The following WDR86 variants were observed in gnomAD, a reference collection of about 807,000 sequenced individuals.
The protein encoded by WDR86 is WD repeat domain 86.
Under a neutral mutation model 36.5 loss-of-function variants are expected in WDR86, and 30 were observed. That is an observed-to-expected ratio of 0.82 (90% CI 0.61 to 1.11). WDR86 has a LOEUF of 1.11. Among genes scored for constraint, WDR86 ranks in the 50% most tolerant of loss-of-function variants. The probability of loss-of-function intolerance (pLI) is 0.00; values close to 1 mark genes in which losing one functional copy is unlikely to be tolerated. For missense variants in WDR86, 545 were observed against 561.2 expected (o/e 0.97, Z 0.29); for synonymous variants, 255 against 252.9 (o/e 1.01, Z -0.08).
intron 3 of WDR86, among the ~76,000 whole-genome samples, chr7:151,395,504 C>CGG (rs1480747736): frequency 4.5e-3 from 220 of 48,426 alleles, no homozygotes; most frequent in African/African-American, 9.1e-3. Flanking sequence ...GACACACACA[C>CGG]ACACACACAC....
intron 4 of WDR86, among the ~76,000 whole-genome samples, chr7:151,382,272 T>TG (rs1215778539): frequency 1.3e-5 from 2 of 152,176 alleles, no homozygotes; most frequent in Non-Finnish European, 2.9e-5. Flanking sequence ...CGTGCCTGCT[T>TG]GGGAAGCCCC....
intron 3 of WDR86, among the ~76,000 whole-genome samples, chr7:151,387,976 C>A (rs1799111827): frequency 6.6e-6 from 1 of 152,274 alleles, no homozygotes; most frequent in Non-Finnish European, 1.5e-5. Context: ...GCCACAAGGG[C>A]TGATGCACTG....
Position 151,400,152 on chromosome 7 carries a change from G to C in WDR86, c.253C>G (p.Leu85Val). The C allele has an allele frequency of 6.2e-7, 1 of 1,612,378 alleles. No homozygotes were observed. Among genetic ancestry groups the C allele is most frequent in the East Asian group, 2.2e-5 (1 of 44,802 alleles). The part of the protein sequence containing the change: ...ADCTIRRWDV[L>V]TGQCLQVYRG... ...TACACCTGCAGACACTGCCCGGTCA[G>C]CACGTCCCACCTCCTGATGGTGCAG... Residue 85 changes from leucine to valine, a missense_variant, in exon 2 of 6, where the codon CTG becomes GTG. Leu to Val is a conservative substitution (Grantham distance 32). Coordinates refer to ENST00000334493, the MANE Select transcript of WDR86 (RefSeq NM_198285.3).
chr7:151,410,107 C>A, upstream of WDR86: 2 of 981,816 alleles, frequency 2.0e-6, no homozygotes, highest in Non-Finnish European at 2.4e-6. Flanking sequence ...TGCGCCCCAG[C>A]CCCCACCCCG....
intron 3 of WDR86, 47 bp from the exon 4 acceptor site, chr7:151,385,270 C>G: frequency 1.9e-6 from 3 of 1,602,304 alleles, no homozygotes; most frequent in African/African-American, 1.3e-5. Context: ...AGCTCTGAAG[C>G]CCCCCAGACC....
Position 151,395,962 on chromosome 7 carries a change from C to T in WDR86, c.540G>A (p.Val180=), listed in dbSNP as rs762218505. The T allele has an allele frequency of 8.2e-6, 13 of 1,590,032 alleles. No individual in the cohort carries two copies. The African/African-American group carries it at 1.5e-4, about 18-fold the overall frequency. The part of the protein sequence containing the change: ...STDGTAKVWQ[V]ASGCCHQTLR... The stretch of plus-strand genomic sequence containing the variant: ...GCGTCTGGTGGCAGCAGCCGCTGGC[C>T]ACCTGCCACACCTTGGCTGTGCCAT... Residue 180 remains valine (V), a synonymous_variant, in exon 3 of 6, where the codon GTG becomes GTA. Transcript: ENST00000334493.
chr7:151,384,377 G>A (rs1336310548), intron 4 of WDR86, among the ~76,000 whole-genome samples: 1 of 152,244 alleles, frequency 6.6e-6, no homozygotes, highest in Non-Finnish European at 1.5e-5. Context: ...AGAGAGGTAT[G>A]TAGAAGCCCT....
intron 2 of WDR86, among the ~76,000 whole-genome samples, chr7:151,397,281 C>A (rs1471527042): frequency 6.6e-6 from 1 of 152,224 alleles, no homozygotes; most frequent in Non-Finnish European, 1.5e-5. Flanking sequence ...AAGCCTGCTG[C>A]CTCCCGCCTC....
chr7:151,398,401 G>A (rs1401629568), intron 2 of WDR86, among the ~76,000 whole-genome samples: 1 of 138,320 alleles, frequency 7.2e-6, no homozygotes, highest in Non-Finnish European at 1.6e-5. Context: ...GTGTATGGGT[G>A]TATATGTATG....
chr7:151,370,303 G>C, the WDR86 span, among the ~76,000 whole-genome samples: 1 of 152,036 alleles, frequency 6.6e-6, no homozygotes, highest in Non-Finnish European at 1.5e-5. Flanking sequence ...TGGCCAGGCT[G>C]GTCTCGAACT....
At chr7:151,381,086 G>A (rs1798527010), downstream of WDR86, 1 of 1,151,730 alleles carries the variant, frequency 8.7e-7, no homozygotes, top group East Asian at 3.4e-5. This position sits in a 1 kb window ranked among gnomAD's most constrained non-coding sequence, Gnocchi z 4.8. Flanking sequence ...AAGAAGCTGA[G>A]ACTCAGTTTG....
downstream of WDR86, chr7:151,376,319 T>C: frequency 2.1e-6 from 1 of 483,352 alleles, no homozygotes; most frequent in Non-Finnish European, 3.7e-6. Context: ...CCTACACGCG[T>C]TAGCACGCCT....
chr7:151,403,944 C>G (rs1345412687), intron 1 of WDR86, among the ~76,000 whole-genome samples: 1 of 152,154 alleles, frequency 6.6e-6, no homozygotes, highest in Non-Finnish European at 1.5e-5. Flanking sequence ...CGATACCAAG[C>G]CCAGCTGCTC....
At chr7:151,373,536 G>A (rs1798054875), downstream of WDR86, among the ~76,000 whole-genome samples, 1 of 152,192 alleles carries the variant, frequency 6.6e-6, no homozygotes, top group Non-Finnish European at 1.5e-5. Flanking sequence ...GGCACTCTGT[G>A]GGTTCCGAAT....
At chr7:151,407,135 C>G (rs781151952) in intron 1 of WDR86, among the ~76,000 whole-genome samples, 1 of 152,174 alleles carries the variant, frequency 6.6e-6, no homozygotes, top group Admixed American at 6.5e-5. Context: ...AAAAACAATC[C>G]TAGCAAAATG....
downstream of WDR86, among the ~76,000 whole-genome samples, chr7:151,379,856 C>T (rs552622004): frequency 6.6e-6 from 1 of 152,288 alleles, no homozygotes; most frequent in African/African-American, 2.4e-5. Flanking sequence ...GCAGCAGTGT[C>T]TTCGGCAAGC....
In WDR86 at chr7:151,390,691, A is replaced by G; in HGVS notation, c.726+5085T>C. On this transcript the variant is annotated intron_variant, in intron 3 of 5. Coordinates refer to ENST00000334493, the MANE Select transcript of WDR86 (RefSeq NM_198285.3). The surrounding 1 kb of genome is among the most constrained non-coding windows in gnomAD (Gnocchi z 4.5). Reference sequence around the variant, plus strand: ...AAGCGCAATGTGGTATCCACATACCAGGGAATATTTATCAGTCACGGAAAA... The same window carrying G: ...AAGCGCAATGTGGTATCCACATACCGGGGAATATTTATCAGTCACGGAAAA... Among the ~76,000 whole-genome samples, 1 of 152,256 alleles carries G rather than the reference A, an allele frequency of 6.6e-6. No homozygotes were observed. Among genetic ancestry groups the G allele is most frequent in the East Asian group, 1.9e-4 (1 of 5,202 alleles).
rs1801093845 is a variant in WDR86, at chr7:151,409,963, G to C, written c.-374C>G. On this transcript the variant is annotated 5_prime_UTR_variant, in exon 1 of 6. Coordinates refer to ENST00000334493, the MANE Select transcript of WDR86 (RefSeq NM_198285.3). The surrounding 1 kb of genome is among the most constrained non-coding windows in gnomAD (Gnocchi z 5.2). ...GCCCCCCGCCTCCTCTCGCGCCCAC[G>C]GGGCTGGGGCGGGGAGAGGAACACG... 1.4e-5 allele frequency: 14 copies of C among 1,022,214 alleles called. No individual in the cohort carries two copies. Among genetic ancestry groups the C allele is most frequent in the Non-Finnish European group, 1.6e-5 (14 of 854,698 alleles). The allele number at this position is 1,022,214 out of a possible 1,614,324, so 63.3% of individuals were successfully genotyped here. A position where few individuals can be genotyped will look rare whatever the true frequency, so the allele number is the denominator to read the frequency against.
chr7:151,379,036 G>T (rs1563037629), downstream of WDR86, among the ~76,000 whole-genome samples: 1 of 152,254 alleles, frequency 6.6e-6, no homozygotes, highest in African/African-American at 2.4e-5. Context: ...GGGCAGGACG[G>T]TGCTGAGGTT....
Sources: allele counts gnomAD v4.1 joint callset (sites outside exome capture counted in the v4.1 genomes callset), GRCh38; gene constraint gnomAD v4.1.1; non-coding constraint Gnocchi (gnomAD v3.1); transcripts MANE v1.5; gene names NCBI Gene and HGNC (gene_info 2026-07-23, HGNC 2026-07-21).